The following MAP4K5 variants were observed in gnomAD, a reference collection of about 807,000 sequenced individuals.
The protein encoded by MAP4K5 is mitogen-activated protein kinase kinase kinase kinase 5.
MAP4K5 carries 82 observed loss-of-function variants against 135.6 expected under a neutral mutation model. That is an observed-to-expected ratio of 0.60 (90% CI 0.51 to 0.73). The LOEUF is 0.73. MAP4K5 is among the 30% of genes least tolerant of loss of function. The probability of loss-of-function intolerance (pLI) is 0.00; values close to 1 mark genes in which losing one functional copy is unlikely to be tolerated. For synonymous variants in MAP4K5, 347 were observed against 335.0 expected, an observed-to-expected ratio of 1.04 and a Z score of -0.39; for missense variants, 907 against 1,010.9, an observed-to-expected ratio of 0.90 and a Z score of 1.39.
chr14:50,446,160 T>C (rs764625856), intron 16 of MAP4K5, 39 bp from the exon 17 acceptor site: 2 of 1,360,818 alleles, frequency 1.5e-6, no homozygotes, highest in Non-Finnish European at 2.0e-6. Context: ...TGATGATAAA[T>C]GACCGTAACC....
chr14:50,503,079 C>T (rs1454191080), intron 3 of MAP4K5, among the ~76,000 whole-genome samples: 2 of 151,404 alleles, frequency 1.3e-5, no homozygotes, highest in African/African-American at 2.4e-5. Context: ...AAAAAGAACA[C>T]TTCCACATGG....
At chr14:50,459,394 A>G (rs1286846737) in intron 13 of MAP4K5, among the ~76,000 whole-genome samples, 1 of 152,196 alleles carries the variant, frequency 6.6e-6, no homozygotes, top group Non-Finnish European at 1.5e-5. Flanking sequence ...TTAAATTAAT[A>G]CACTTTTCTC....
intron 3 of MAP4K5, among the ~76,000 whole-genome samples, chr14:50,501,559 A>C (rs2037706210): frequency 6.6e-6 from 1 of 152,198 alleles, no homozygotes; most frequent in South Asian, 2.1e-4. Flanking sequence ...AACAAAAGTC[A>C]AATATAATTT....
At chr14:50,464,029 C>G (rs1007158845) in intron 12 of MAP4K5, 23 bp downstream of exon 12, 2 of 1,374,124 alleles carry the variant, frequency 1.5e-6, no homozygotes, top group Non-Finnish European at 1.0e-6. Flanking sequence ...ATAGGAAGAC[C>G]CCTCGTAATT....
chr14:50,551,291 T>A (rs566143174), intron 1 of MAP4K5, among the ~76,000 whole-genome samples: 1 of 152,166 alleles, frequency 6.6e-6, no homozygotes, highest in East Asian at 1.9e-4. Context: ...GATGGATAAA[T>A]TCCTGGAAAT....
chr14:50,476,963 T>C (rs760035560), intron 6 of MAP4K5, among the ~76,000 whole-genome samples: 4 of 152,192 alleles, frequency 2.6e-5, no homozygotes, highest in African/African-American at 9.6e-5. Flanking sequence ...CTGACTATTC[T>C]AGGTGTTTTA....
intron 2 of MAP4K5, among the ~76,000 whole-genome samples, chr14:50,526,065 T>A (rs1485521319): frequency 1.3e-5 from 2 of 152,200 alleles, no homozygotes. Context: ...AGCCTCCAGG[T>A]GTTTGCACAT....
chr14:50,470,811 T>C (rs2036943565), intron 9 of MAP4K5, among the ~76,000 whole-genome samples: 1 of 152,162 alleles, frequency 6.6e-6, no homozygotes. Flanking sequence ...TCCCTTCCTG[T>C]TGTGTATTAT....
chr14:50,500,231 A>C (rs889697268), intron 3 of MAP4K5, among the ~76,000 whole-genome samples: 3 of 152,206 alleles, frequency 2.0e-5, no homozygotes, highest in African/African-American at 7.2e-5. Flanking sequence ...AGACAAACAC[A>C]ATATATACAC....
intron 2 of MAP4K5, among the ~76,000 whole-genome samples, chr14:50,513,990 A>G (rs1479733373): frequency 6.6e-6 from 1 of 152,230 alleles, no homozygotes; most frequent in Non-Finnish European, 1.5e-5. Flanking sequence ...TTAATCCACA[A>G]TAAAAGTGAA....
intron 1 of MAP4K5, among the ~76,000 whole-genome samples, chr14:50,546,728 G>T (rs2038637302): frequency 6.6e-6 from 1 of 152,086 alleles, no homozygotes; most frequent in South Asian, 2.1e-4. Context: ...AAACCAGAAT[G>T]ATCTTTGTTT....
At chr14:50,477,639 A>G (rs2037131968) in intron 6 of MAP4K5, among the ~76,000 whole-genome samples, 1 of 152,150 alleles carries the variant, frequency 6.6e-6, no homozygotes. Flanking sequence ...CAGGTTGACC[A>G]AGTTCCTTTC....
upstream of MAP4K5, among the ~76,000 whole-genome samples, chr14:50,535,478 T>C (rs17792103): frequency 0.034 from 5,189 of 152,352 alleles, 128 homozygotes; most frequent in Non-Finnish European, 0.054. Context: ...TGTAACTCTA[T>C]GATTCAGTTG....
chr14:50,454,104 A>G (rs1026000290), intron 14 of MAP4K5, among the ~76,000 whole-genome samples: 2 of 152,226 alleles, frequency 1.3e-5, no homozygotes, highest in African/African-American at 4.8e-5. Context: ...GTGAAAACTG[A>G]ACTATTACTA....
At chr14:50,473,526 A>G (rs1208302322) in intron 9 of MAP4K5, among the ~76,000 whole-genome samples, 1 of 152,148 alleles carries the variant, frequency 6.6e-6, no homozygotes, top group Non-Finnish European at 1.5e-5. Context: ...CTAGTTTGGC[A>G]TATTTTAGAC....
intron 2 of MAP4K5, among the ~76,000 whole-genome samples, chr14:50,516,531 A>C (rs917452844): frequency 1.3e-5 from 2 of 152,202 alleles, no homozygotes; most frequent in Non-Finnish European, 2.9e-5. Flanking sequence ...CAGAATCCTA[A>C]AAAATTAGCC....
At chr14:50,498,008 A>C (rs1343777195) in intron 3 of MAP4K5, among the ~76,000 whole-genome samples, 2 of 152,112 alleles carry the variant, frequency 1.3e-5, no homozygotes, top group Non-Finnish European at 2.9e-5. Context: ...AGGAGGAGAG[A>C]GGGAAGGGAA....
At chr14:50,507,951 TAA>T (rs1437275866) in intron 2 of MAP4K5, among the ~76,000 whole-genome samples, 2 of 152,290 alleles carry the variant, frequency 1.3e-5, no homozygotes, top group Admixed American at 6.5e-5. Context: ...AGTAGGGTGT[TAA>T]AGTCTCCCAT....
At position 50,440,049 on chromosome 14, in the gene MAP4K5, G is replaced by A; in HGVS notation, c.1669C>T (p.Leu557=). The A allele has an allele frequency of 1.3e-6, 2 of 1,543,346 alleles. No individual in the cohort carries two copies. The highest frequency in any genetic ancestry group is 1.8e-6 in the Non-Finnish European group (2 of 1,129,524). The part of the protein sequence containing the change: ...EQLFPRKCTW[L]YVINNTLMSL... ...ATTAAAGTATTATTGATAACATACAGCCAAGTACACTTCCGTGGAAATAAC... is the reference window on the plus strand; with the variant it reads ...ATTAAAGTATTATTGATAACATACAACCAAGTACACTTCCGTGGAAATAAC... Residue 557 remains leucine (L), a synonymous_variant, in exon 23 of 33, where the codon CTG becomes TTG. Transcript: ENST00000682126.
Sources: allele counts gnomAD v4.1 joint callset (sites outside exome capture counted in the v4.1 genomes callset), GRCh38; gene constraint gnomAD v4.1.1; transcripts MANE v1.5; gene names NCBI Gene and HGNC (gene_info 2026-07-23, HGNC 2026-07-21).